Variants in SYNDIG1 observed in about 807,000 individuals in gnomAD.
The protein encoded by SYNDIG1 is synapse differentiation-inducing gene protein 1.
Under a neutral mutation model 19.4 loss-of-function variants are expected in SYNDIG1, and 9 were observed. That is an observed-to-expected ratio of 0.46 (90% CI 0.28 to 0.81). The LOEUF is 0.81. SYNDIG1 is among the 30% of genes least tolerant of loss of function. The pLI, the probability that SYNDIG1 is intolerant of heterozygous loss-of-function variation, is 0.12. For synonymous variants in SYNDIG1, 141 were observed against 145.9 expected (o/e 0.97, Z 0.24); for missense variants, 311 against 343.3 (o/e 0.91, Z 0.74).
intron 1 of SYNDIG1, among the ~76,000 whole-genome samples, chr20:24,508,133 A>G (rs948869525): frequency 6.6e-6 from 1 of 152,016 alleles, no homozygotes; most frequent in African/African-American, 2.4e-5. Context: ...AAGATAAAAC[A>G]TAGATAAGAA....
At chr20:24,571,166 G>A (rs2058134590) in intron 2 of SYNDIG1, among the ~76,000 whole-genome samples, 1 of 152,188 alleles carries the variant, frequency 6.6e-6, no homozygotes, top group Non-Finnish European at 1.5e-5. Context: ...GAGTTCTTTG[G>A]AGGTGATGAA....
chr20:24,645,719 T>G (rs933616085), intron 3 of SYNDIG1, among the ~76,000 whole-genome samples: 1 of 152,242 alleles, frequency 6.6e-6, no homozygotes, highest in Non-Finnish European at 1.5e-5. Flanking sequence ...GAGGCTGGGC[T>G]AGGGGGAGAC....
At chr20:24,497,270 C>T (rs573123354) in intron 1 of SYNDIG1, among the ~76,000 whole-genome samples, 2 of 152,224 alleles carry the variant, frequency 1.3e-5, no homozygotes, top group South Asian at 2.1e-4. Flanking sequence ...GATGCGATCT[C>T]GGCTCACTGC....
chr20:24,567,840 C>A (rs1469354601), intron 2 of SYNDIG1, among the ~76,000 whole-genome samples: 1 of 152,198 alleles, frequency 6.6e-6, no homozygotes, highest in Non-Finnish European at 1.5e-5. Flanking sequence ...TCTGCAGTTG[C>A]TAGAAATGCT....
At chr20:24,545,146 G>A (rs1173316439) in intron 2 of SYNDIG1, among the ~76,000 whole-genome samples, 1 of 152,222 alleles carries the variant, frequency 6.6e-6, no homozygotes, top group African/African-American at 2.4e-5. Flanking sequence ...TCCAGCGTTA[G>A]TCAGGAGGGA....
intron 1 of SYNDIG1, among the ~76,000 whole-genome samples, chr20:24,478,667 T>A (rs1298449976): frequency 6.6e-6 from 1 of 152,172 alleles, no homozygotes; most frequent in East Asian, 1.9e-4. Flanking sequence ...TAGAACACAA[T>A]GTGATGAGGA....
At chr20:24,618,974 C>T (rs907365832) in intron 3 of SYNDIG1, among the ~76,000 whole-genome samples, 4 of 152,058 alleles carry the variant, frequency 2.6e-5, no homozygotes, top group East Asian at 3.9e-4. Flanking sequence ...GGAGACAAAA[C>T]GCACCTGTTT....
Position 24,579,677 on chromosome 20 carries a change from G to A in SYNDIG1, c.481-5179G>A, listed in dbSNP as rs77987574. 6.6e-3 allele frequency among the ~76,000 whole-genome samples: 1,000 copies of A among 152,240 alleles called. 3 individuals are homozygous for A. The highest frequency in any genetic ancestry group is 0.024 in the South Asian group (118 of 4,824). On this transcript the variant is annotated intron_variant, in intron 2 of 3. Coordinates refer to ENST00000376862, the MANE Select transcript of SYNDIG1 (RefSeq NM_024893.3). Reference sequence around the variant, plus strand: ...GTGTGTACTTGTGAGCACTTTAAGCGGACACAGCTCCACGTTGGCCAGTGG... The same window carrying A: ...GTGTGTACTTGTGAGCACTTTAAGCAGACACAGCTCCACGTTGGCCAGTGG...
chr20:24,473,611 G>C (rs2055533383), intron 1 of SYNDIG1, among the ~76,000 whole-genome samples: 1 of 152,082 alleles, frequency 6.6e-6, no homozygotes, highest in African/African-American at 2.4e-5. Context: ...CGGGGAGTGG[G>C]GGAGGGACGC....
In SYNDIG1 at chr20:24,500,514, CTTT is replaced by C. The variant is rs774675673; in HGVS notation, c.-79+30762_-79+30764del. 5.4e-3 allele frequency among the ~76,000 whole-genome samples: 608 copies of C among 113,062 alleles called. 3 individuals are homozygous for C. Among genetic ancestry groups the C allele is most frequent in the Middle Eastern group, 0.023 (6 of 256 alleles). The allele number at this position is 113,062 out of a possible 152,430, so 74.2% of individuals were successfully genotyped here. On this transcript the variant is annotated intron_variant, in intron 1 of 3. Transcript: ENST00000376862. ...TCTTTCTTTCTTTCTTTCTTTCTTT[CTTT>C]CTTTCTTTCTTTCTTCTTTCTTTCT... is the stretch of plus-strand genomic sequence containing the variant.
chr20:24,580,089 C>T (rs756675899), intron 2 of SYNDIG1, among the ~76,000 whole-genome samples: 1 of 152,194 alleles, frequency 6.6e-6, no homozygotes, highest in Non-Finnish European at 1.5e-5. Flanking sequence ...AACTATGGGA[C>T]CTCTGCATGA....
At chr20:24,588,272 T>C (rs1176737840) in intron 3 of SYNDIG1, among the ~76,000 whole-genome samples, 1 of 151,952 alleles carries the variant, frequency 6.6e-6, no homozygotes, top group Non-Finnish European at 1.5e-5. Context: ...GTGCTGGGGG[T>C]CCAGAGGCCA....
chr20:24,545,832 CATA>C (rs751497433), intron 2 of SYNDIG1, among the ~76,000 whole-genome samples: 9 of 152,282 alleles, frequency 5.9e-5, no homozygotes, highest in South Asian at 4.1e-4. Flanking sequence ...AATCTTTAGT[CATA>C]ATAACGGTGC....
At chr20:24,662,589 G>T (rs555443427) in intron 3 of SYNDIG1, among the ~76,000 whole-genome samples, 1 of 152,162 alleles carries the variant, frequency 6.6e-6, no homozygotes, top group African/African-American at 2.4e-5. Flanking sequence ...GAGCTGAAAC[G>T]CTTTCTCTGA....
At chr20:24,655,958 G>C (rs1296716790) in intron 3 of SYNDIG1, among the ~76,000 whole-genome samples, 1 of 152,196 alleles carries the variant, frequency 6.6e-6, no homozygotes, top group Non-Finnish European at 1.5e-5. Flanking sequence ...CTCACACCCA[G>C]AGCAGAGGAG....
intron 1 of SYNDIG1, among the ~76,000 whole-genome samples, chr20:24,541,928 T>G (rs1246020772): frequency 1.3e-5 from 2 of 152,130 alleles, no homozygotes; most frequent in Non-Finnish European, 2.9e-5. Context: ...ATCAACCCAG[T>G]TTCATCTCTG....
At chr20:24,645,274 A>T (rs2059412463) in intron 3 of SYNDIG1, among the ~76,000 whole-genome samples, 1 of 152,178 alleles carries the variant, frequency 6.6e-6, no homozygotes, top group South Asian at 2.1e-4. Context: ...CATGTTAATT[A>T]CTTTTTTCAT....
chr20:24,554,881 ACCAGTTCCT>A lies in SYNDIG1; in HGVS notation c.480+11307_480+11315del, dbSNP rs1275970375. On this transcript the variant is annotated intron_variant, in intron 2 of 3. Coordinates refer to ENST00000376862, the MANE Select transcript of SYNDIG1 (RefSeq NM_024893.3). ...TTGGAATAGTTTCAGAAGGAATAGT[ACCAGTTCCT>A]CCTTGTACCTCTGGTAGAATTCGGC... Among the ~76,000 whole-genome samples the A allele has an allele frequency of 4.0e-5, 6 of 151,868 alleles. No homozygotes were observed. The East Asian group carries it at 1.2e-3, about 29-fold the overall frequency.
chr20:24,540,758 C>T (rs1001319013), intron 1 of SYNDIG1, among the ~76,000 whole-genome samples: 1 of 152,118 alleles, frequency 6.6e-6, no homozygotes. Flanking sequence ...CTCACTTGAT[C>T]ATGGTATATG....
Sources: allele counts gnomAD v4.1 joint callset (sites outside exome capture counted in the v4.1 genomes callset), GRCh38; gene constraint gnomAD v4.1.1; transcripts MANE v1.5; gene names NCBI Gene and HGNC (gene_info 2026-07-23, HGNC 2026-07-21).